The following UNC13B variants were observed in gnomAD, a reference collection of about 807,000 sequenced individuals.
The protein encoded by UNC13B is protein unc-13 homolog B.
In UNC13B, 144 loss-of-function variants were observed where a neutral mutation model predicts 211.0. That is an observed-to-expected ratio of 0.68 (90% CI 0.60 to 0.78). The LOEUF (loss-of-function observed/expected upper bound fraction) is 0.78, where lower values mean the gene tolerates loss of function less well. Ranked by LOEUF, UNC13B falls within the 30% of genes least tolerant of loss-of-function variation. UNC13B has a pLI of 0.00. For missense variants in UNC13B, 1,777 were observed against 2,002.0 expected (o/e 0.89, Z 2.14); for synonymous variants, 709 against 725.8 (o/e 0.98, Z 0.37).
At chr9:35,190,035 G>C (rs1056537719) in intron 1 of UNC13B, among the ~76,000 whole-genome samples, 40 of 152,140 alleles carry the variant, frequency 2.6e-4, no homozygotes, top group African/African-American at 8.9e-4. Flanking sequence ...GGCCAGGATA[G>C]CATGCCTTTT....
intron 37 of UNC13B, among the ~76,000 whole-genome samples, chr9:35,401,014 A>G (rs1295828692): frequency 6.6e-6 from 1 of 152,188 alleles, no homozygotes; most frequent in Non-Finnish European, 1.5e-5. Context: ...GTTTTCTCCC[A>G]GTGACTTTCA....
intron 13 of UNC13B, among the ~76,000 whole-genome samples, chr9:35,374,360 T>A (rs1834251634): frequency 8.5e-6 from 1 of 117,348 alleles, no homozygotes. Context: ...CATCGGGCCC[T>A]GTGCAAGAGT....
At chr9:35,227,809 T>G in intron 1 of UNC13B, 1 of 426,546 alleles carries the variant, frequency 2.3e-6, no homozygotes, top group Non-Finnish European at 4.2e-6. Context: ...ATTTTTGCAT[T>G]GGATATGAGA....
In UNC13B at chr9:35,364,502, A is replaced by G. The variant is rs543592182; in HGVS notation, c.9415-2445A>G. 1.1e-5 allele frequency: 17 copies of G among 1,535,604 alleles called. No homozygotes were observed. In the African/African-American group the frequency reaches 1.9e-4, roughly 17 times the overall value. On this transcript the variant is annotated intron_variant, in intron 11 of 39. Transcript: ENST00000635942. ...GTTCCCTACTTATAGGACTGACTCT[A>G]CTAACCTTTCTGCCCTTTTTTCTGC... is the stretch of plus-strand genomic sequence containing the variant.
At chr9:35,262,071 T>C (rs1827306014) in intron 7 of UNC13B, among the ~76,000 whole-genome samples, 1 of 152,200 alleles carries the variant, frequency 6.6e-6, no homozygotes, top group Non-Finnish European at 1.5e-5. Flanking sequence ...ATTGCGAACA[T>C]TGCTGCAACA....
At chr9:35,371,053 G>C (rs1267787130) in intron 13 of UNC13B, among the ~76,000 whole-genome samples, 1 of 152,118 alleles carries the variant, frequency 6.6e-6, no homozygotes, top group Non-Finnish European at 1.5e-5. Context: ...GGTGAAGTGA[G>C]GTCCAGGTTC....
intron 7 of UNC13B, among the ~76,000 whole-genome samples, chr9:35,286,604 A>G (rs1400566561): frequency 6.6e-6 from 1 of 152,014 alleles, no homozygotes; most frequent in Admixed American, 6.6e-5. Flanking sequence ...TCCTGTCTGT[A>G]ATCCCAGCAC....
At chr9:35,266,971 A>G (rs1182235012) in intron 7 of UNC13B, among the ~76,000 whole-genome samples, 1 of 152,164 alleles carries the variant, frequency 6.6e-6, no homozygotes, top group Non-Finnish European at 1.5e-5. Flanking sequence ...GTTCTGGACA[A>G]ATATTATGAG....
intron 7 of UNC13B, among the ~76,000 whole-genome samples, chr9:35,292,399 C>G (rs1829144133): frequency 6.6e-6 from 1 of 152,148 alleles, no homozygotes; most frequent in Admixed American, 6.5e-5. Context: ...AAAATGGTTT[C>G]TCAAAAATAT....
At chr9:35,403,089 G>T (rs549848085) in intron 37 of UNC13B, 78 bp from the exon 38 acceptor site, 2 of 1,305,070 alleles carry the variant, frequency 1.5e-6, no homozygotes, top group Admixed American at 3.4e-5. Flanking sequence ...TTTGGGTATA[G>T]GGTGGTGACC....
At chr9:35,385,366 C>T (rs554410521) in intron 22 of UNC13B, 13 of 985,376 alleles carry the variant, frequency 1.3e-5, no homozygotes, top group Middle Eastern at 1.0e-3. Context: ...TTGTAATTTT[C>T]GAAGAACTCA....
chr9:35,226,186 A>G (rs541301306), intron 1 of UNC13B, among the ~76,000 whole-genome samples: 2 of 152,300 alleles, frequency 1.3e-5, no homozygotes, highest in Non-Finnish European at 2.9e-5. Flanking sequence ...CACTGAGTCT[A>G]GAAACTAAGG....
chr9:35,212,749 C>T (rs753357453), intron 1 of UNC13B, among the ~76,000 whole-genome samples: 1 of 152,142 alleles, frequency 6.6e-6, no homozygotes, highest in Non-Finnish European at 1.5e-5. Flanking sequence ...AGGCGGCTCT[C>T]CCTTGGGCTA....
chr9:35,345,514 A>G lies in UNC13B; in HGVS notation c.9415-21433A>G, dbSNP rs75796197. Among the ~76,000 whole-genome samples the G allele has an allele frequency of 7.9e-4, 121 of 152,240 alleles. 1 individual carries two copies. The highest frequency in any genetic ancestry group is 1.2e-3 in the Non-Finnish European group (84 of 68,014). Reference sequence around the variant, plus strand: ...AGATACTAAGGGTGAAAGATGAGGAATTTGATCAGAAATCAAGGGTGGGAA... The same window carrying G: ...AGATACTAAGGGTGAAAGATGAGGAGTTTGATCAGAAATCAAGGGTGGGAA... On this transcript the variant is annotated intron_variant, in intron 11 of 39. Coordinates refer to ENST00000635942, the MANE Select transcript of UNC13B (RefSeq NM_001371189.2).
intron 1 of UNC13B, among the ~76,000 whole-genome samples, chr9:35,212,887 A>G (rs1824047710): frequency 6.6e-6 from 1 of 152,162 alleles, no homozygotes; most frequent in Non-Finnish European, 1.5e-5. Context: ...CCCCTAATAA[A>G]TAGCCCAGCT....
At chr9:35,198,782 T>A (rs1004006540) in intron 1 of UNC13B, among the ~76,000 whole-genome samples, 1 of 152,158 alleles carries the variant, frequency 6.6e-6, no homozygotes, top group Non-Finnish European at 1.5e-5. Context: ...TACTGGGAAC[T>A]GGAGCAAAGT....
chr9:35,370,377 T>G lies in UNC13B; in HGVS notation c.9521T>G (p.Leu3174Arg). ...CCAGATTTACGCAGAAAGAAGCCACTGCCACTTGTCAGTGATCTGGTGAGT... is the reference window on the plus strand; with the variant it reads ...CCAGATTTACGCAGAAAGAAGCCACGGCCACTTGTCAGTGATCTGGTGAGT... Reference protein sequence around the residue: ...SMPDLRRKKPLPLVSDLSLVQ... With the variant: ...SMPDLRRKKPRPLVSDLSLVQ... Residue 3174 changes from leucine (L) to arginine (R), a missense_variant, in exon 13 of 40, where the codon CTG (leucine) becomes CGG (arginine). Coordinates refer to ENST00000635942, the MANE Select transcript of UNC13B (RefSeq NM_001371189.2). The G allele has an allele frequency of 6.2e-7, 1 of 1,613,954 alleles. No homozygotes were observed.
At chr9:35,276,065 G>A (rs2131702684) in intron 7 of UNC13B, among the ~76,000 whole-genome samples, 1 of 152,194 alleles carries the variant, frequency 6.6e-6, no homozygotes, top group African/African-American at 2.4e-5. Flanking sequence ...CAGCACTTTG[G>A]GAGGCTGAAG....
chr9:35,219,961 A>C (rs1202297854), intron 1 of UNC13B, among the ~76,000 whole-genome samples: 4 of 152,074 alleles, frequency 2.6e-5, no homozygotes, highest in Non-Finnish European at 5.9e-5. Flanking sequence ...TTAAAGCTTT[A>C]GTGTCACATT....
Sources: allele counts gnomAD v4.1 joint callset (sites outside exome capture counted in the v4.1 genomes callset), GRCh38; gene constraint gnomAD v4.1.1; transcripts MANE v1.5; gene names NCBI Gene and HGNC (gene_info 2026-07-23, HGNC 2026-07-21).